COL6A6: variants seen among roughly 807,000 people sequenced by gnomAD.
The protein encoded by COL6A6 is collagen type VI alpha 6 chain.
COL6A6 carries 183 observed loss-of-function variants against 208.6 expected under a neutral mutation model. The observed-to-expected ratio is 0.88, with a 90% CI of 0.78 to 0.99. COL6A6 has a LOEUF of 0.99. Among genes scored for constraint, COL6A6 ranks in the 50% least tolerant of loss-of-function variants. The pLI, the probability that COL6A6 is intolerant of heterozygous loss-of-function variation, is 0.00. For synonymous variants in COL6A6, 973 were observed against 1,011.8 expected, an observed-to-expected ratio of 0.96 and a Z score of 0.73; for missense variants, 2,816 against 2,815.2, an observed-to-expected ratio of 1.00 and a Z score of -0.01.
Position 130,594,297 on chromosome 3 carries a change from G to C in COL6A6, c.4487G>C (p.Arg1496Thr). The C allele has an allele frequency of 6.2e-7, 1 of 1,613,222 alleles. No homozygotes were observed. Among genetic ancestry groups the C allele is most frequent in the Middle Eastern group, 1.7e-4 (1 of 6,040 alleles). ...TAACTTTAGGGAAGCCCAGGGAAGAGAGGGACTCCTGGTGACCGTGGAGCA... is the reference window on the plus strand; with the variant it reads ...TAACTTTAGGGAAGCCCAGGGAAGACAGGGACTCCTGGTGACCGTGGAGCA... ...DEGSQGSPGK[R>T]GTPGDRGAKG... The change falls in exon 18 of 37, where the codon AGA becomes ACA. Residue 1496 changes from arginine to threonine, a missense_variant. Coordinates refer to ENST00000358511, the MANE Select transcript of COL6A6 (RefSeq NM_001102608.3).
In COL6A6 at chr3:130,599,777, C is replaced by A. The variant is rs112135798; in HGVS notation, c.4620C>A (p.Gly1540=). 8,713 of 1,610,004 alleles carry A rather than the reference C, an allele frequency of 5.4e-3. 45 individuals carry two copies. The highest frequency in any genetic ancestry group is 0.018 in the South Asian group (1,593 of 90,906). ...GACAGGGCAGAAGAGGCTGGCCAGG[C>A]CCCCCCGGGACACCAGGCTCCAGAA... is the stretch of plus-strand genomic sequence containing the variant. The part of the protein sequence containing the change: ...RGRQGRRGWP[G]PPGTPGSRRK... Residue 1540 remains glycine (G), a synonymous_variant, in exon 20 of 37, where the codon GGC becomes GGA. Transcript: ENST00000358511.
chr3:130,519,370 C>T (rs1356478236), intron 1 of COL6A6, among the ~76,000 whole-genome samples: 2 of 152,134 alleles, frequency 1.3e-5, no homozygotes, highest in East Asian at 3.9e-4. Flanking sequence ...AGACCCCCTG[C>T]AAATATATAA....
intron 34 of COL6A6, among the ~76,000 whole-genome samples, chr3:130,659,227 G>A (rs561177399): frequency 6.6e-6 from 1 of 152,062 alleles, no homozygotes; most frequent in South Asian, 2.1e-4. Flanking sequence ...ATTTCTCATT[G>A]AAAAAAGGCT....
rs1024346066 is a variant in COL6A6 at position 130,592,932 on chromosome 3, A to G, written c.4372-129A>G. The G allele has an allele frequency of 3.7e-5, 34 of 910,450 alleles. No individual in the cohort carries two copies. The African/African-American group carries it at 4.3e-4, about 12-fold the overall frequency. The allele number at this position is 910,450 out of a possible 1,614,324, so 56.4% of individuals were successfully genotyped here. Reference sequence around the variant, plus strand: ...TTTCTATTACTGAGTAACCTTTAATATTAATAACCCAGGCCCAGCCTCACA... The same window carrying G: ...TTTCTATTACTGAGTAACCTTTAATGTTAATAACCCAGGCCCAGCCTCACA... On this transcript the variant is annotated intron_variant, in intron 15 of 36. Coordinates refer to ENST00000358511, the MANE Select transcript of COL6A6 (RefSeq NM_001102608.3).
At chr3:130,631,295 C>T (rs527429558) in intron 26 of COL6A6, among the ~76,000 whole-genome samples, 1 of 110,266 alleles carries the variant, frequency 9.1e-6, no homozygotes, top group South Asian at 2.9e-4. Context: ...ACTAGAAAAT[C>T]TGGAAGAAAC....
rs1212539081 is a variant in COL6A6 at position 130,517,316 on chromosome 3, G to A, written c.-113G>A. Among the ~76,000 whole-genome samples the A allele has an allele frequency of 6.6e-6, 1 of 152,242 alleles. No homozygotes were observed. The highest frequency in any genetic ancestry group is 2.4e-5 in the African/African-American group (1 of 41,474). On this transcript the variant is annotated 5_prime_UTR_variant, in exon 1 of 37. Coordinates refer to ENST00000358511, the MANE Select transcript of COL6A6 (RefSeq NM_001102608.3). ...CTCTGCGCTCCCCGCGGTGCGCCCT[G>A]CCCGCGCAGTGCGCGTCCAGAGGAA...
intron 1 of COL6A6, among the ~76,000 whole-genome samples, chr3:130,529,904 C>T (rs762576767): frequency 6.6e-6 from 1 of 152,196 alleles, no homozygotes; most frequent in Non-Finnish European, 1.5e-5. Flanking sequence ...ACTCAGTCCC[C>T]CTCCTCAGCA....
intron 31 of COL6A6, among the ~76,000 whole-genome samples, chr3:130,643,443 T>G (rs962960536): frequency 2.0e-5 from 3 of 152,106 alleles, no homozygotes; most frequent in Admixed American, 2.0e-4. Flanking sequence ...CTGACTTTGG[T>G]TTATTGTTTG....
intron 1 of COL6A6, among the ~76,000 whole-genome samples, chr3:130,554,371 C>T: frequency 6.6e-6 from 1 of 152,162 alleles, no homozygotes; most frequent in South Asian, 2.1e-4. Flanking sequence ...GTGCTGACCT[C>T]CATCTAGGCA....
chr3:130,606,673 A>G (rs546702837), intron 20 of COL6A6, among the ~76,000 whole-genome samples: 5 of 152,362 alleles, frequency 3.3e-5, no homozygotes, highest in Admixed American at 2.6e-4. Flanking sequence ...GTCTGTTCTC[A>G]TAAGTATCTG....
chr3:130,559,216 T>C (rs2062828059), intron 1 of COL6A6, among the ~76,000 whole-genome samples: 1 of 152,248 alleles, frequency 6.6e-6, no homozygotes, highest in African/African-American at 2.4e-5. Flanking sequence ...GAAATCCACT[T>C]TGGGACTTAG....
At chr3:130,641,772 A>G (rs2065318390) in intron 29 of COL6A6, 58 bp downstream of exon 29, 2 of 1,027,438 alleles carry the variant, frequency 1.9e-6, no homozygotes, top group South Asian at 1.6e-5. Context: ...AAAAAAAGTC[A>G]GTGCATGAAA....
At chr3:130,606,994 A>C in intron 21 of COL6A6, 28 bp downstream of exon 21, 1 of 1,573,004 alleles carries the variant, frequency 6.4e-7, no homozygotes, top group Non-Finnish European at 8.7e-7. Context: ...CTTAACTCCA[A>C]ATAACAAATA....
At chr3:130,569,297 G>A (rs948233416) in intron 6 of COL6A6, among the ~76,000 whole-genome samples, 1 of 152,198 alleles carries the variant, frequency 6.6e-6, no homozygotes, top group Non-Finnish European at 1.5e-5. Context: ...TATAGTAAGA[G>A]GACTTGAGCA....
chr3:130,536,253 C>A (rs974134000), intron 1 of COL6A6, among the ~76,000 whole-genome samples: 1 of 152,200 alleles, frequency 6.6e-6, no homozygotes, highest in Non-Finnish European at 1.5e-5. Context: ...TCAAGTCTCA[C>A]TTTCTCTGTG....
In COL6A6 at chr3:130,568,175, C is replaced by G. The variant is rs752996147; in HGVS notation, c.1972C>G (p.Arg658Gly). 1.9e-5 allele frequency: 30 copies of G among 1,613,838 alleles called. No individual in the cohort carries two copies. In the South Asian group the frequency reaches 3.2e-4, roughly 17 times the overall value. Residue 658 changes from arginine to glycine, a missense_variant, in exon 6 of 37, where the codon CGG becomes GGG. By Grantham distance (125) the Arg-to-Gly change is moderately radical (BLOSUM62 -2). Transcript: ENST00000358511. ...GAGCAAGTCTCAGATTGGACCAGAT[C>G]GGGTGCAAATTGGTGTAGTCCAGTT... ...LVSKSQIGPD[R>G]VQIGVVQFSD...
chr3:130,614,139 A>G (rs2064440639), intron 23 of COL6A6, among the ~76,000 whole-genome samples: 2 of 152,034 alleles, frequency 1.3e-5, no homozygotes, highest in South Asian at 2.1e-4. Context: ...GTATGATATT[A>G]GCTGTGAGTC....
chr3:130,620,056 T>C (rs2064664831), intron 23 of COL6A6, among the ~76,000 whole-genome samples: 1 of 152,190 alleles, frequency 6.6e-6, no homozygotes, highest in Admixed American at 6.5e-5. Context: ...TGCCTCAGCC[T>C]TCCAAGTAGT....
At chr3:130,599,509 C>T (rs1273802059) in intron 19 of COL6A6, among the ~76,000 whole-genome samples, 1 of 152,152 alleles carries the variant, frequency 6.6e-6, no homozygotes, top group Non-Finnish European at 1.5e-5. Context: ...CCAAATACAA[C>T]TTAGACAGTA....
Sources: allele counts gnomAD v4.1 joint callset (sites outside exome capture counted in the v4.1 genomes callset), GRCh38; gene constraint gnomAD v4.1.1; transcripts MANE v1.5; gene names NCBI Gene and HGNC (gene_info 2026-07-23, HGNC 2026-07-21).